The following GRAMD1B variants were observed in gnomAD, a reference collection of about 807,000 sequenced individuals.
The protein encoded by GRAMD1B is GRAM domain containing 1B, also known as protein Aster-B.
In GRAMD1B, 37 loss-of-function variants were observed where a neutral mutation model predicts 99.7. That is an observed-to-expected ratio of 0.37 (90% CI 0.29 to 0.49). The LOEUF is 0.49. Ranked by LOEUF, GRAMD1B falls within the 20% of genes least tolerant of loss-of-function variation. The pLI is 0.98. For synonymous variants in GRAMD1B, 427 were observed against 387.6 expected (o/e 1.10, Z -1.19); for missense variants, 888 against 1,009.2 (o/e 0.88, Z 1.63).
At chr11:123,588,523 G>A (rs1329736065) in intron 4 of GRAMD1B, among the ~76,000 whole-genome samples, 2 of 152,180 alleles carry the variant, frequency 1.3e-5, no homozygotes, top group African/African-American at 4.8e-5. Flanking sequence ...AGGATCCAGA[G>A]CCTCCTGGAG....
At chr11:123,542,800 G>A (rs1277279632) in intron 2 of GRAMD1B, among the ~76,000 whole-genome samples, 2 of 151,880 alleles carry the variant, frequency 1.3e-5, no homozygotes, top group South Asian at 2.1e-4. Context: ...TTACAGGTGC[G>A]TGCCACCATG....
intron 10 of GRAMD1B, among the ~76,000 whole-genome samples, chr11:123,606,396 T>C (rs1473085355): frequency 1.3e-5 from 2 of 152,224 alleles, no homozygotes; most frequent in Non-Finnish European, 2.9e-5. Flanking sequence ...GCTGTTGGAA[T>C]GGCGAGCGTG....
chr11:123,437,245 C>T (rs1250086328), intron 1 of GRAMD1B, among the ~76,000 whole-genome samples: 1 of 152,202 alleles, frequency 6.6e-6, no homozygotes, highest in African/African-American at 2.4e-5. Flanking sequence ...AGCATTAATA[C>T]TCACATGTCT....
intron 1 of GRAMD1B, among the ~76,000 whole-genome samples, chr11:123,402,080 A>G (rs937394665): frequency 6.6e-6 from 1 of 152,144 alleles, no homozygotes; most frequent in African/African-American, 2.4e-5. Flanking sequence ...CAAGGGTGCA[A>G]TCTTGGCTCA....
Position 123,430,761 on chromosome 11 carries a change from GGCTCAGGGGGAGC to G in GRAMD1B, c.-29_-17del. On this transcript the variant is annotated 5_prime_UTR_variant, in exon 1 of 20. Coordinates refer to ENST00000635736, the MANE Select transcript of GRAMD1B (RefSeq NM_001387025.1). Reference sequence around the variant, plus strand: ...GACGCGAACCAGGCCGCTGGCGGAGGGCTCAGGGGGAGCGCAGAGGCGACGGCCCCCATGCCGG... The same window carrying G: ...GACGCGAACCAGGCCGCTGGCGGAGGGCAGAGGCGACGGCCCCCATGCCGG... 1.6e-6 allele frequency: 1 copy of G among 625,420 alleles called. No individual in the cohort carries two copies. Among genetic ancestry groups the G allele is most frequent in the Non-Finnish European group, 2.8e-6 (1 of 351,708 alleles). The allele number at this position is 625,420 out of a possible 1,614,324, so 38.7% of individuals were successfully genotyped here.
chr11:123,464,023 A>T (rs1382413584), intron 1 of GRAMD1B, among the ~76,000 whole-genome samples: 6 of 152,042 alleles, frequency 3.9e-5, no homozygotes, highest in Admixed American at 3.9e-4. Context: ...GTTTTAGAAG[A>T]TAACAGGGGT....
Position 123,577,365 on chromosome 11 carries a change from A to G in GRAMD1B, c.453-2A>G. 6.3e-7 allele frequency: 1 copy of G among 1,577,678 alleles called. No homozygotes were observed. Among genetic ancestry groups the G allele is most frequent in the Non-Finnish European group, 8.6e-7 (1 of 1,162,270 alleles). On this transcript the variant is annotated splice_acceptor_variant, in intron 2 of 19. Coordinates refer to ENST00000635736, the MANE Select transcript of GRAMD1B (RefSeq NM_001387025.1). LOFTEE classifies it high-confidence loss of function. ...GCTCCCTCTCTCCATCTGCCGCTGCAGCACTGCCAGTAACTCCAACCGCAG... is the reference window on the plus strand; with the variant it reads ...GCTCCCTCTCTCCATCTGCCGCTGCGGCACTGCCAGTAACTCCAACCGCAG...
chr11:123,394,677 G>T (rs1025982059), intron 1 of GRAMD1B, among the ~76,000 whole-genome samples: 1 of 152,228 alleles, frequency 6.6e-6, no homozygotes, highest in South Asian at 2.1e-4. Flanking sequence ...TACCTGTCTT[G>T]TTCCCTGCCT....
At chr11:123,601,380 G>GAAAAATTTAATTT (rs1951941637) in intron 8 of GRAMD1B, among the ~76,000 whole-genome samples, 2 of 143,754 alleles carry the variant, frequency 1.4e-5, no homozygotes, top group African/African-American at 4.9e-5. Context: ...GCAAGACCCT[G>GAAAAATTTAATTT]TTTCAATTAA....
intron 1 of GRAMD1B, among the ~76,000 whole-genome samples, chr11:123,396,296 A>G (rs1947461125): frequency 7.3e-6 from 1 of 136,994 alleles, no homozygotes; most frequent in Admixed American, 7.9e-5. Context: ...TTTTTTTGAG[A>G]CAGAGCTTAG....
At chr11:123,474,758 A>G (rs548317742) in intron 1 of GRAMD1B, among the ~76,000 whole-genome samples, 2 of 152,132 alleles carry the variant, frequency 1.3e-5, no homozygotes, top group Admixed American at 6.5e-5. Flanking sequence ...TATAACTGCC[A>G]CTCAGAGCCT....
chr11:123,425,724 G>C (rs977721554), upstream of GRAMD1B, among the ~76,000 whole-genome samples: 1 of 152,182 alleles, frequency 6.6e-6, no homozygotes, highest in Non-Finnish European at 1.5e-5. Flanking sequence ...GGAAGGAGAA[G>C]CTGGATGTGG....
chr11:123,502,181 C>T (rs1939934145), intron 2 of GRAMD1B, among the ~76,000 whole-genome samples: 7 of 152,200 alleles, frequency 4.6e-5, no homozygotes. Context: ...CTGTTTTTCT[C>T]TTGGCTTCAG....
chr11:123,486,277 G>A (rs1011526036), intron 2 of GRAMD1B, among the ~76,000 whole-genome samples: 8 of 152,190 alleles, frequency 5.3e-5, no homozygotes, highest in South Asian at 4.1e-4. Context: ...GCCGGGCACC[G>A]TGGCTCACCC....
rs1197878727 is a variant in GRAMD1B at position 123,510,459 on chromosome 11, G to T, written c.452+29566G>T. On this transcript the variant is annotated intron_variant, in intron 2 of 19. Transcript: ENST00000635736. This position sits in a 1 kb window ranked among gnomAD's most constrained non-coding sequence, Gnocchi z 4.3. ...CTGGGAGTCTGTGGAACACAGACAG[G>T]AGACAGGGCCCCCCTGCTTGCTGTG... is the stretch of plus-strand genomic sequence containing the variant. Among the ~76,000 whole-genome samples, 1 of 152,178 alleles carries T rather than the reference G, an allele frequency of 6.6e-6. No individual in the cohort carries two copies. Among genetic ancestry groups the T allele is most frequent in the Admixed American group, 6.5e-5 (1 of 15,284 alleles).
chr11:123,377,783 C>T (rs1455546159), intron 1 of GRAMD1B, among the ~76,000 whole-genome samples: 1 of 152,208 alleles, frequency 6.6e-6, no homozygotes, highest in African/African-American at 2.4e-5. Context: ...AGACCCTGAA[C>T]TAGGAACTTG....
intron 1 of GRAMD1B, among the ~76,000 whole-genome samples, chr11:123,414,559 AT>A (rs1255513210): frequency 6.6e-6 from 1 of 152,008 alleles, no homozygotes; most frequent in Non-Finnish European, 1.5e-5. Flanking sequence ...AATTTTCCTT[AT>A]GGGGCTTACT....
rs372115074 is a variant in GRAMD1B, at chr11:123,528,690, C to CT, written c.452+47807dup. On this transcript the variant is annotated intron_variant, in intron 2 of 19. Coordinates refer to ENST00000635736, the MANE Select transcript of GRAMD1B (RefSeq NM_001387025.1). ...TGTGTAATGCCGTGCTAGACACCGG[C>CT]TTTTTTTTTTATGTTCTGTTGTCTC... 1.7e-3 allele frequency among the ~76,000 whole-genome samples: 255 copies of CT among 147,960 alleles called. 2 individuals are homozygous for CT. The highest frequency in any genetic ancestry group is 0.011 in the South Asian group (52 of 4,610).
chr11:123,387,349 G>A (rs1024339579), intron 1 of GRAMD1B, among the ~76,000 whole-genome samples: 1 of 152,104 alleles, frequency 6.6e-6, no homozygotes, highest in Admixed American at 6.5e-5. Flanking sequence ...GAAAGGCAGC[G>A]TGTTTGCTGA....
Sources: gnomAD v4.1 joint callset for allele counts (sites outside exome capture counted in the v4.1 genomes callset) on GRCh38, gnomAD v4.1.1 for gene constraint, Gnocchi (gnomAD v3.1) non-coding constraint, MANE v1.5 for transcripts, NCBI Gene and HGNC (gene_info 2026-07-23, HGNC 2026-07-21) for gene names.